The following LTBP1 variants were observed in gnomAD, a reference collection of about 807,000 sequenced individuals.
LTBP1 encodes the protein latent-transforming growth factor beta-binding protein 1.
In LTBP1, 129 loss-of-function variants were observed where a neutral mutation model predicts 207.6. The observed-to-expected ratio is 0.62, with a 90% CI of 0.54 to 0.72. LTBP1 has a LOEUF of 0.72. Among genes scored for constraint, LTBP1 ranks in the 30% least tolerant of loss-of-function variants. The pLI, the probability that LTBP1 is intolerant of heterozygous loss-of-function variation, is 0.00. For synonymous variants in LTBP1, 963 were observed against 833.7 expected (o/e 1.16, Z -2.67); for missense variants, 2,281 against 2,217.2 (o/e 1.03, Z -0.58).
Position 33,305,354 on chromosome 2 carries a change from T to A in LTBP1, c.3481+3710T>A, listed in dbSNP as rs550859943. Among the ~76,000 whole-genome samples the A allele has an allele frequency of 2.6e-5, 4 of 151,780 alleles. No homozygotes were observed. In the South Asian group the frequency reaches 8.3e-4, roughly 32 times the overall value. ...ATATATATATGATAAATAAGTAAAA[T>A]ATATAGTTCGTTAAATGGCAATAAA... On this transcript the variant is annotated intron_variant, in intron 22 of 33. Coordinates refer to ENST00000404816, the MANE Select transcript of LTBP1 (RefSeq NM_206943.4).
At chr2:33,251,737 G>T (rs759644056) in intron 10 of LTBP1, among the ~76,000 whole-genome samples, 1 of 149,692 alleles carries the variant, frequency 6.7e-6, no homozygotes, top group Admixed American at 6.6e-5. Context: ...AACCTCATTT[G>T]TATGGTGATA....
chr2:33,153,748 A>C (rs1051109115), intron 5 of LTBP1, among the ~76,000 whole-genome samples: 1 of 152,226 alleles, frequency 6.6e-6, no homozygotes, highest in Non-Finnish European at 1.5e-5. Context: ...CTAGATTAAC[A>C]GCATCTTGAA....
intron 20 of LTBP1, among the ~76,000 whole-genome samples, chr2:33,299,877 T>C (rs572550246): frequency 3.9e-5 from 6 of 152,328 alleles, no homozygotes; most frequent in East Asian, 1.9e-4. Flanking sequence ...TCCTCACTTA[T>C]CACTTTCTCC....
intron 5 of LTBP1, among the ~76,000 whole-genome samples, chr2:33,167,464 GTTTC>G (rs1324897754): frequency 2.6e-5 from 4 of 152,108 alleles, no homozygotes; most frequent in African/African-American, 9.7e-5. Flanking sequence ...TCCAAAAACT[GTTTC>G]TTTCTTTCTG....
chr2:33,059,075 A>C (rs1182872649), intron 3 of LTBP1, among the ~76,000 whole-genome samples: 1 of 152,228 alleles, frequency 6.6e-6, no homozygotes, highest in Non-Finnish European at 1.5e-5. Flanking sequence ...CAGAAGGAAA[A>C]GGATGATGTG....
At chr2:33,333,397 A>G (rs1405447670) in intron 24 of LTBP1, among the ~76,000 whole-genome samples, 2 of 152,122 alleles carry the variant, frequency 1.3e-5, no homozygotes, top group East Asian at 1.9e-4. Context: ...AAAACTCAGG[A>G]TATCTTCTAG....
At chr2:32,984,500 T>G (rs1208130408) in intron 2 of LTBP1, among the ~76,000 whole-genome samples, 2 of 152,194 alleles carry the variant, frequency 1.3e-5, no homozygotes, top group East Asian at 3.8e-4. Flanking sequence ...CCTGGACCTG[T>G]GGGGTCAGGA....
intron 7 of LTBP1, among the ~76,000 whole-genome samples, chr2:33,215,708 TTTC>T (rs2090620500): frequency 7.5e-6 from 1 of 132,908 alleles, no homozygotes; most frequent in African/African-American, 3.0e-5. Flanking sequence ...TTCCATTGGT[TTTC>T]TTTTGTTTTT....
chr2:32,973,866 C>T (rs1220302706), intron 2 of LTBP1, among the ~76,000 whole-genome samples: 2 of 152,164 alleles, frequency 1.3e-5, no homozygotes, highest in Non-Finnish European at 2.9e-5. Flanking sequence ...TTGTGCCTGG[C>T]TTATTTCATG....
chr2:33,022,277 T>C (rs1182135415), intron 3 of LTBP1, among the ~76,000 whole-genome samples: 1 of 150,044 alleles, frequency 6.7e-6, no homozygotes, highest in Non-Finnish European at 1.5e-5. Flanking sequence ...TTTTTTTTTT[T>C]TTTTCTGTTT....
intron 4 of LTBP1, among the ~76,000 whole-genome samples, chr2:33,130,083 G>C (rs218207): frequency 0.037 from 5,611 of 152,272 alleles, 145 homozygotes; most frequent in South Asian, 0.063. Flanking sequence ...GAACAATAAA[G>C]TCCTGTTATT....
At chr2:33,221,655 A>G (rs1008668972) in intron 8 of LTBP1, among the ~76,000 whole-genome samples, 6 of 152,230 alleles carry the variant, frequency 3.9e-5, no homozygotes, top group Non-Finnish European at 8.8e-5. Flanking sequence ...TGGGGAGTAA[A>G]GTACTGTTAA....
chr2:33,187,380 G>A (rs928444052), intron 6 of LTBP1, among the ~76,000 whole-genome samples: 27 of 152,108 alleles, frequency 1.8e-4, no homozygotes, highest in Admixed American at 1.6e-3. Context: ...GACAAGGCCT[G>A]GGAAATAGAA....
At chr2:33,250,073 T>A (rs2092638362) in intron 10 of LTBP1, among the ~76,000 whole-genome samples, 1 of 152,206 alleles carries the variant, frequency 6.6e-6, no homozygotes, top group African/African-American at 2.4e-5. Context: ...AATCACATCA[T>A]TCTGGGTAGC....
intron 3 of LTBP1, among the ~76,000 whole-genome samples, chr2:33,025,230 G>T (rs945815881): frequency 8.5e-5 from 13 of 152,158 alleles, no homozygotes; most frequent in African/African-American, 3.1e-4. Flanking sequence ...TCACTCAGAG[G>T]GGGTAGAAGT....
chr2:33,124,903 A>G (rs2081344297), intron 4 of LTBP1, among the ~76,000 whole-genome samples: 1 of 152,222 alleles, frequency 6.6e-6, no homozygotes, highest in African/African-American at 2.4e-5. Context: ...TAAAGGGTAG[A>G]ACCTGTGGGT....
chr2:33,004,814 T>TATATATAAAA, intron 2 of LTBP1, among the ~76,000 whole-genome samples: 1 of 136,564 alleles, frequency 7.3e-6, no homozygotes, highest in South Asian at 2.3e-4. Flanking sequence ...TATATATATA[T>TATATATAAAA]AAACATAAAA....
At chr2:33,301,681 C>A (rs116724079) in intron 22 of LTBP1, 37 bp downstream of exon 22, 4 of 1,528,452 alleles carry the variant, frequency 2.6e-6, no homozygotes, top group Non-Finnish European at 3.5e-6. Flanking sequence ...CATAAAATGC[C>A]CAGATCGGAG....
chr2:33,185,040 G>T (rs1429756255), intron 5 of LTBP1, among the ~76,000 whole-genome samples: 2 of 152,218 alleles, frequency 1.3e-5, no homozygotes, highest in Non-Finnish European at 1.5e-5. Context: ...GAGTCTGAAA[G>T]ATATGTAGGA....
Sources: gnomAD v4.1 joint callset for allele counts (sites outside exome capture counted in the v4.1 genomes callset) on GRCh38, gnomAD v4.1.1 for gene constraint, MANE v1.5 for transcripts, NCBI Gene and HGNC (gene_info 2026-07-23, HGNC 2026-07-21) for gene names.